ZNF883: variants seen among roughly 807,000 people sequenced by gnomAD.
ZNF883 encodes zinc finger protein 883.
At chr9:113,008,442 G>A (rs1368610512) in intron 2 of ZNF883, among the ~76,000 whole-genome samples, 2 of 152,062 alleles carry the variant, frequency 1.3e-5, no homozygotes, top group Non-Finnish European at 2.9e-5. Flanking sequence ...AAATTCTACG[G>A]ATTTATGAAT....
chr9:112,993,649 G>A (rs1828322905), downstream of ZNF883, among the ~76,000 whole-genome samples: 1 of 152,184 alleles, frequency 6.6e-6, no homozygotes, highest in Non-Finnish European at 1.5e-5. Flanking sequence ...CCAGCAGGGG[G>A]AAAAGACTAA....
exon 1 of ZNF883, chr9:112,997,521 TG>T (rs768290567): frequency 6.2e-6 from 10 of 1,614,076 alleles, no homozygotes; most frequent in Middle Eastern, 1.6e-4. Flanking sequence ...GCACTCCGAT[TG>T]AAGGCCTTTC....
intron 1 of ZNF883, among the ~76,000 whole-genome samples, chr9:113,011,521 G>C (rs895594045): frequency 6.6e-6 from 1 of 152,172 alleles, no homozygotes; most frequent in Admixed American, 6.5e-5. Context: ...ATTTTTCGAA[G>C]TGCATTCACA....
At chr9:112,991,542 GAGA>G (rs1437440348) in intron 1 of ZNF883, among the ~76,000 whole-genome samples, 1 of 152,038 alleles carries the variant, frequency 6.6e-6, no homozygotes, top group Non-Finnish European at 1.5e-5. Context: ...TTGCGGCACC[GAGA>G]AGAATGTACA....
At chr9:113,004,397 A>G (rs1828455942) in intron 2 of ZNF883, among the ~76,000 whole-genome samples, 1 of 152,218 alleles carries the variant, frequency 6.6e-6, no homozygotes, top group Non-Finnish European at 1.5e-5. Context: ...TTAGCTAAGA[A>G]CTAAATGTTT....
At chr9:112,991,611 A>G (rs528418472) in intron 1 of ZNF883, among the ~76,000 whole-genome samples, 1 of 151,914 alleles carries the variant, frequency 6.6e-6, no homozygotes, top group African/African-American at 2.4e-5. Context: ...TGCTTGATCC[A>G]GAGGTGAGTT....
upstream of ZNF883, among the ~76,000 whole-genome samples, chr9:113,000,725 C>T (rs1828414499): frequency 6.6e-6 from 1 of 152,064 alleles, no homozygotes; most frequent in African/African-American, 2.4e-5. Context: ...GGTGATTTTG[C>T]TTTCACCATA....
intron 2 of ZNF883, among the ~76,000 whole-genome samples, chr9:113,006,415 G>A (rs1456581716): frequency 1.1e-4 from 17 of 152,076 alleles, no homozygotes; most frequent in Admixed American, 1.1e-3. Context: ...TATACATATG[G>A]GGTGGCCCTG....
At chr9:112,990,026 G>A (rs1200738712) in intron 1 of ZNF883, among the ~76,000 whole-genome samples, 1 of 152,168 alleles carries the variant, frequency 6.6e-6, no homozygotes, top group Non-Finnish European at 1.5e-5. Context: ...CTGAGACAAT[G>A]GAGTTTTCTA....
chr9:112,993,905 G>C (rs2118601851), downstream of ZNF883, among the ~76,000 whole-genome samples: 1 of 152,308 alleles, frequency 6.6e-6, no homozygotes, highest in Non-Finnish European at 1.5e-5. Context: ...CCCAGCACTG[G>C]CAGGGGAAAA....
intron 2 of ZNF883, among the ~76,000 whole-genome samples, chr9:113,009,479 C>A (rs1321442559): frequency 6.6e-6 from 1 of 151,998 alleles, no homozygotes; most frequent in Non-Finnish European, 1.5e-5. Context: ...CCCTAATCCC[C>A]CTCCCCTCCC....
chr9:112,989,274 T>C (rs1352554657), intron 1 of ZNF883, among the ~76,000 whole-genome samples: 2 of 152,182 alleles, frequency 1.3e-5, no homozygotes, highest in East Asian at 3.8e-4. Context: ...TTAAAGTCTT[T>C]AATCCATTTT....
At chr9:113,002,672 T>C (rs571648283), upstream of ZNF883, among the ~76,000 whole-genome samples, 1 of 152,226 alleles carries the variant, frequency 6.6e-6, no homozygotes, top group Non-Finnish European at 1.5e-5. Flanking sequence ...ACTATTTTCT[T>C]ACAGCTTGTT....
chr9:112,998,196 A>G lies in ZNF883; in HGVS notation n.64T>C, dbSNP rs371663887. On this transcript the variant is annotated non_coding_transcript_exon_variant, in exon 1 of 1. Transcript: ENST00000639662. ...TGGGTCAGGGATGCAAGACAAGTGTAGCCTTTCCCACATTCAGTACAGAGA... is the reference window on the plus strand; with the variant it reads ...TGGGTCAGGGATGCAAGACAAGTGTGGCCTTTCCCACATTCAGTACAGAGA... 124 of 1,613,736 alleles carry G rather than the reference A, an allele frequency of 7.7e-5. 1 individual carries two copies. In the Middle Eastern group the frequency reaches 2.3e-3, roughly 30 times the overall value.
intron 2 of ZNF883, among the ~76,000 whole-genome samples, chr9:113,003,441 C>A (rs1470892971): frequency 6.6e-6 from 1 of 152,044 alleles, no homozygotes; most frequent in East Asian, 1.9e-4. Context: ...GACTAATACA[C>A]CTTGTTTTAT....
intron 2 of ZNF883, among the ~76,000 whole-genome samples, chr9:113,006,517 C>G (rs949369550): frequency 6.6e-6 from 1 of 152,162 alleles, no homozygotes; most frequent in Non-Finnish European, 1.5e-5. Flanking sequence ...TTCTTTCCTG[C>G]ACAAAGCCAA....
intron 2 of ZNF883, among the ~76,000 whole-genome samples, chr9:113,007,105 A>C (rs1191648067): frequency 6.6e-6 from 1 of 152,100 alleles, no homozygotes; most frequent in East Asian, 1.9e-4. Flanking sequence ...GAGGCAGGAG[A>C]ATCGCTTGAA....
downstream of ZNF883, among the ~76,000 whole-genome samples, chr9:112,996,712 A>C (rs371216122): frequency 3.1e-4 from 43 of 137,190 alleles, no homozygotes; most frequent in African/African-American, 1.2e-3. Context: ...AATGGCGTGA[A>C]CCTGGGAGGC....
intron 2 of ZNF883, among the ~76,000 whole-genome samples, chr9:113,008,556 A>T (rs1828500854): frequency 6.6e-6 from 1 of 152,204 alleles, no homozygotes. Flanking sequence ...CTCACAGTAA[A>T]TTAAGTGTTG....
Sources: allele counts gnomAD v4.1 joint callset (sites outside exome capture counted in the v4.1 genomes callset), GRCh38; gene constraint gnomAD v4.1.1; transcripts MANE v1.5; gene names NCBI Gene and HGNC (gene_info 2026-07-23, HGNC 2026-07-21).